Variants in NFE2L2 observed in about 807,000 individuals in gnomAD.
NFE2L2 encodes NFE2 like bZIP transcription factor 2.
NFE2L2 carries 20 observed loss-of-function variants against 49.6 expected under a neutral mutation model. The observed-to-expected ratio is 0.40, with a 90% CI of 0.28 to 0.59. NFE2L2 has a LOEUF of 0.59. NFE2L2 is among the 20% of genes least tolerant of loss of function. The pLI, the probability that NFE2L2 is intolerant of heterozygous loss-of-function variation, is 0.40. For synonymous variants in NFE2L2, 244 were observed against 256.5 expected, an observed-to-expected ratio of 0.95 and a Z score of 0.47; for missense variants, 578 against 714.2, an observed-to-expected ratio of 0.81 and a Z score of 2.17.
rs1689503991 is a variant in NFE2L2 at position 177,230,585 on chromosome 2, TTTACAG to T, written c.*194_*199del. ...GCCCAAATGGTGTCCTAAGAAATTG[TTTACAG>T]TTAAAGTGAAACTACTGATTCAACA... On this transcript the variant is annotated 3_prime_UTR_variant, in exon 5 of 5. Transcript: ENST00000397062. 3.7e-6 allele frequency: 2 copies of T among 541,814 alleles called. No individual in the cohort carries two copies. The highest frequency in any genetic ancestry group is 6.0e-6 in the Non-Finnish European group (2 of 334,482). The allele number at this position is 541,814 out of a possible 1,614,324, so 33.6% of individuals were successfully genotyped here. A position where few individuals can be genotyped will look rare whatever the true frequency, so the allele number is the denominator to read the frequency against.
intron 1 of NFE2L2, 93 bp downstream of exon 1, chr2:177,264,439 G>A (rs1690863030): frequency 3.0e-6 from 4 of 1,316,822 alleles, no homozygotes; most frequent in Middle Eastern, 2.4e-4. Flanking sequence ...CGTGGGGGAA[G>A]CCGGTTGCGG....
At position 177,230,374 on chromosome 2, in the gene NFE2L2, A is replaced by C. The variant is rs34012004; in HGVS notation, c.*411T>G. Reference sequence around the variant, plus strand: ...AATTTTTTTTTTTTGCCAGAGCTAAACAATTTAATATAAAAAATGCCATTT... The same window carrying C: ...AATTTTTTTTTTTTGCCAGAGCTAACCAATTTAATATAAAAAATGCCATTT... On this transcript the variant is annotated 3_prime_UTR_variant, in exon 5 of 5. Coordinates refer to ENST00000397062, the MANE Select transcript of NFE2L2 (RefSeq NM_006164.5). The C allele has an allele frequency of 1.7e-3, 400 of 233,246 alleles. 10 individuals are homozygous for C. The East Asian group carries it at 0.025, about 14-fold the overall frequency. The allele number at this position is 233,246 out of a possible 1,614,324, so 14.4% of individuals were successfully genotyped here. A position where few individuals can be genotyped will look rare whatever the true frequency, so the allele number is the denominator to read the frequency against.
At chr2:177,263,873 G>A (rs1301219270) in intron 1 of NFE2L2, 5 of 985,386 alleles carry the variant, frequency 5.1e-6, no homozygotes, top group Non-Finnish European at 6.0e-6. Flanking sequence ...CTCCTCCCTC[G>A]TCCCGGGGCT....
chr2:177,256,460 G>T (rs528410722), intron 1 of NFE2L2, among the ~76,000 whole-genome samples: 3 of 125,924 alleles, frequency 2.4e-5, no homozygotes, highest in Non-Finnish European at 3.1e-5. Context: ...CACAGACATT[G>T]AAGGTACTAA....
chr2:177,244,363 T>C (rs1303462737), intron 1 of NFE2L2, among the ~76,000 whole-genome samples: 2 of 151,222 alleles, frequency 1.3e-5, no homozygotes, highest in Non-Finnish European at 2.9e-5. Context: ...GTAGTCAAGA[T>C]CAACAAGATT....
chr2:177,257,696 C>T (rs753672706), intron 1 of NFE2L2, among the ~76,000 whole-genome samples: 2 of 152,216 alleles, frequency 1.3e-5, no homozygotes, highest in South Asian at 4.1e-4. Flanking sequence ...GGAACCAGGC[C>T]GCACAGCAGG....
chr2:177,248,678 G>A (rs559928853), intron 1 of NFE2L2, among the ~76,000 whole-genome samples: 1 of 152,248 alleles, frequency 6.6e-6, no homozygotes, highest in South Asian at 2.1e-4. Flanking sequence ...CAAAGTGCTG[G>A]CATTACAGGC....
At chr2:177,232,285 T>C (rs1689580768) in intron 4 of NFE2L2, 107 bp downstream of exon 4, 2 of 1,151,516 alleles carry the variant, frequency 1.7e-6, no homozygotes, top group Middle Eastern at 2.9e-4. Context: ...ACTAAGTTAA[T>C]AGCACCCTCC....
intron 2 of NFE2L2, 37 bp downstream of exon 2, chr2:177,233,968 C>T (rs2105457902): frequency 6.2e-7 from 1 of 1,609,886 alleles, no homozygotes. Flanking sequence ...TTTCCTTAAA[C>T]CTGCCATAAC....
chr2:177,230,833 A>T lies in NFE2L2; in HGVS notation c.1770T>A (p.Asn590Lys). The change falls in exon 5 of 5, where the codon AAT (asparagine) becomes AAA (lysine). Residue 590 changes from asparagine (N) to lysine (K), a missense_variant. Physicochemically the swap from Asn to Lys is moderately conservative, Grantham distance 94. Coordinates refer to ENST00000397062, the MANE Select transcript of NFE2L2 (RefSeq NM_006164.5). ...EYSLQQTRDG[N>K]VFLVPKSKKP... ...TCTTACTTTTGGGAACAAGGAAAAC[A>T]TTGCCATCTCTTGTTTGCTGCAGGG... The T allele has an allele frequency of 6.3e-7, 1 of 1,595,814 alleles. No homozygotes were observed. Among genetic ancestry groups the T allele is most frequent in the Non-Finnish European group, 8.5e-7 (1 of 1,175,146 alleles).
chr2:177,232,253 A>G, intron 4 of NFE2L2, 139 bp downstream of exon 4: 1 of 951,512 alleles, frequency 1.1e-6, no homozygotes. Context: ...AACCAATTTA[A>G]CTAGCATGGG....
In NFE2L2 at chr2:177,231,178, G is replaced by A. The variant is rs1689530663; in HGVS notation, c.1425C>T (p.Asn475=). Residue 475 remains asparagine (N), a synonymous_variant, in exon 5 of 5, where the codon AAC becomes AAT. Coordinates refer to ENST00000397062, the MANE Select transcript of NFE2L2 (RefSeq NM_006164.5). ...HIPFPVEKII[N]LPVVDFNEMM... ...TTTCGTTGAAGTCAACAACAGGGAG[G>A]TTAATGATTTTTTCTACAGGGAATG... is the stretch of plus-strand genomic sequence containing the variant. 1 of 1,614,102 alleles carries A rather than the reference G, an allele frequency of 6.2e-7. No individual in the cohort carries two copies. Among genetic ancestry groups the A allele is most frequent in the African/African-American group, 1.3e-5 (1 of 75,018 alleles).
At chr2:177,251,443 G>A (rs2105482343) in intron 1 of NFE2L2, among the ~76,000 whole-genome samples, 1 of 152,286 alleles carries the variant, frequency 6.6e-6, no homozygotes, top group South Asian at 2.1e-4. Flanking sequence ...GGCTGAGTCT[G>A]GAAAGGAATC....
intron 1 of NFE2L2, among the ~76,000 whole-genome samples, chr2:177,260,872 T>C (rs1466109338): frequency 2.6e-5 from 4 of 152,098 alleles, no homozygotes; most frequent in Admixed American, 2.0e-4. Flanking sequence ...TTTAAAACTA[T>C]TATTATATTA....
chr2:177,231,600 T>G lies in NFE2L2; in HGVS notation c.1003A>C (p.Ser335Arg). 1 of 1,614,202 alleles carries G rather than the reference T, an allele frequency of 6.2e-7. No individual in the cohort carries two copies. Among genetic ancestry groups the G allele is most frequent in the Non-Finnish European group, 8.5e-7 (1 of 1,180,020 alleles). ...TCAGAATCATTGAATTCTGCTGTGC[T>G]TTCAGGGTGGTTTTGGTTGAAAGCT... ...CKAFNQNHPE[S>R]TAEFNDSDSG... Residue 335 changes from serine to arginine, a missense_variant, in exon 5 of 5, where the codon AGC becomes CGC. Coordinates refer to ENST00000397062, the MANE Select transcript of NFE2L2 (RefSeq NM_006164.5).
intron 1 of NFE2L2, among the ~76,000 whole-genome samples, chr2:177,260,928 T>C (rs184632003): frequency 1.3e-5 from 2 of 152,116 alleles, no homozygotes; most frequent in Non-Finnish European, 2.9e-5. Context: ...CCCAACACTT[T>C]GGGAGGCCGA....
chr2:177,262,448 C>T (rs1382796549), intron 1 of NFE2L2, among the ~76,000 whole-genome samples: 1 of 152,176 alleles, frequency 6.6e-6, no homozygotes, highest in Non-Finnish European at 1.5e-5. Flanking sequence ...TATCCTACTA[C>T]CACTTCACAC....
intron 1 of NFE2L2, among the ~76,000 whole-genome samples, chr2:177,245,841 C>T (rs1007115865): frequency 6.6e-6 from 1 of 152,096 alleles, no homozygotes; most frequent in African/African-American, 2.4e-5. Context: ...AACTCCTGAC[C>T]TCAGATGATC....
intron 1 of NFE2L2, among the ~76,000 whole-genome samples, chr2:177,247,501 A>G (rs1042800694): frequency 9.9e-5 from 15 of 151,992 alleles, no homozygotes; most frequent in Non-Finnish European, 1.8e-4. Flanking sequence ...CTCTACTAAA[A>G]ATACAAAAAA....
Sources: gnomAD v4.1 joint callset for allele counts (sites outside exome capture counted in the v4.1 genomes callset) on GRCh38, gnomAD v4.1.1 for gene constraint, MANE v1.5 for transcripts, NCBI Gene and HGNC (gene_info 2026-07-23, HGNC 2026-07-21) for gene names.